The following MAGI2 variants were observed in gnomAD, a reference collection of about 807,000 sequenced individuals.
MAGI2 encodes membrane associated guanylate kinase, WW and PDZ domain containing 2, also known as membrane-associated guanylate kinase, WW and PDZ domain-containing protein 2.
MAGI2 carries 35 observed loss-of-function variants against 133.3 expected under a neutral mutation model. That is an observed-to-expected ratio of 0.26 (90% CI 0.20 to 0.35). The LOEUF (loss-of-function observed/expected upper bound fraction) is 0.35, where lower values mean the gene tolerates loss of function less well. MAGI2 is among the 10% of genes least tolerant of loss of function. MAGI2 has a pLI of 1.00. For synonymous variants in MAGI2, 729 were observed against 710.6 expected (o/e 1.03, Z -0.41); for missense variants, 1,636 against 1,863.4 (o/e 0.88, Z 2.25).
At chr7:79,170,220 C>G (rs1355174873) in intron 1 of MAGI2, among the ~76,000 whole-genome samples, 3 of 127,720 alleles carry the variant, frequency 2.3e-5, no homozygotes, top group Non-Finnish European at 3.1e-5. Flanking sequence ...ATGATCATAG[C>G]TCACTGTAAC....
At chr7:79,380,892 A>T (rs538233449) in intron 1 of MAGI2, among the ~76,000 whole-genome samples, 1 of 151,804 alleles carries the variant, frequency 6.6e-6, no homozygotes, top group Admixed American at 6.6e-5. Context: ...GGCAGTAAAC[A>T]TTGTTTTAAA....
At chr7:78,862,750 T>C (rs1215800824) in intron 2 of MAGI2, among the ~76,000 whole-genome samples, 1 of 152,226 alleles carries the variant, frequency 6.6e-6, no homozygotes, top group Non-Finnish European at 1.5e-5. Flanking sequence ...TATTTTGTTA[T>C]GGTCCATTAC....
chr7:78,465,526 A>ATTAT (rs1430540784), intron 6 of MAGI2, among the ~76,000 whole-genome samples: 7 of 152,184 alleles, frequency 4.6e-5, no homozygotes, highest in Admixed American at 4.6e-4. Flanking sequence ...GGCATGGATA[A>ATTAT]GGATGTAATT....
At chr7:79,442,377 T>A (rs1848548639) in intron 1 of MAGI2, among the ~76,000 whole-genome samples, 1 of 152,150 alleles carries the variant, frequency 6.6e-6, no homozygotes, top group Non-Finnish European at 1.5e-5. Context: ...AAACTAAGGC[T>A]GTATCCTCAC....
intron 2 of MAGI2, among the ~76,000 whole-genome samples, chr7:78,967,561 G>A (rs1050148890): frequency 6.6e-6 from 1 of 151,706 alleles, no homozygotes; most frequent in African/African-American, 2.4e-5. Context: ...TTTCTTCTAT[G>A]AGTTTTATAG....
At chr7:79,235,593 A>G (rs1016344099) in intron 1 of MAGI2, among the ~76,000 whole-genome samples, 1 of 152,184 alleles carries the variant, frequency 6.6e-6, no homozygotes, top group Non-Finnish European at 1.5e-5. Context: ...TGACTCGGAA[A>G]GGGAACTCCC....
chr7:78,173,062 A>G (rs1371169575), intron 14 of MAGI2, among the ~76,000 whole-genome samples: 1 of 152,258 alleles, frequency 6.6e-6, no homozygotes, highest in East Asian at 1.9e-4. Flanking sequence ...AATAAATCTA[A>G]GTAAACACAA....
intron 20 of MAGI2, among the ~76,000 whole-genome samples, chr7:78,118,005 A>G (rs915956255): frequency 6.6e-6 from 1 of 152,240 alleles, no homozygotes; most frequent in African/African-American, 2.4e-5. Context: ...GAAAGAATAG[A>G]CGAATAGATC....
intron 6 of MAGI2, among the ~76,000 whole-genome samples, chr7:78,456,557 T>G (rs371686189): frequency 2.0e-5 from 3 of 152,330 alleles, no homozygotes; most frequent in South Asian, 4.1e-4. Context: ...GACTGTATAA[T>G]CAATACTCCA....
chr7:78,259,063 C>T (rs1322233220), intron 9 of MAGI2, among the ~76,000 whole-genome samples: 3 of 152,118 alleles, frequency 2.0e-5, no homozygotes, highest in African/African-American at 7.2e-5. Flanking sequence ...TAATTTTTAC[C>T]AATCTAATGG....
chr7:79,326,502 A>G (rs1839704575), intron 1 of MAGI2, among the ~76,000 whole-genome samples: 1 of 152,140 alleles, frequency 6.6e-6, no homozygotes, highest in Non-Finnish European at 1.5e-5. Context: ...ATTAATTGCT[A>G]TGTGCTATCT....
intron 6 of MAGI2, among the ~76,000 whole-genome samples, chr7:78,404,239 G>A (rs575988816): frequency 2.0e-4 from 31 of 151,990 alleles, no homozygotes; most frequent in African/African-American, 7.2e-4. Context: ...AATGGCCATA[G>A]TGCCCAAGGT....
intron 16 of MAGI2, among the ~76,000 whole-genome samples, chr7:78,151,220 C>T (rs113949856): frequency 5.3e-5 from 8 of 152,092 alleles, no homozygotes; most frequent in African/African-American, 1.9e-4. Context: ...CCTATTCATT[C>T]TGACCTCAGT....
chr7:78,781,399 A>AG (rs1826389320), intron 2 of MAGI2, among the ~76,000 whole-genome samples: 3 of 147,654 alleles, frequency 2.0e-5, no homozygotes, highest in African/African-American at 7.5e-5. Context: ...AAAAAAAAAA[A>AG]GAATATAGCA....
At chr7:78,510,237 G>T (rs1399907182) in intron 4 of MAGI2, among the ~76,000 whole-genome samples, 1 of 152,150 alleles carries the variant, frequency 6.6e-6, no homozygotes, top group Non-Finnish European at 1.5e-5. Context: ...AGGCCACCTA[G>T]GTTTGAATCT....
At chr7:78,370,217 T>G (rs573563943) in intron 6 of MAGI2, among the ~76,000 whole-genome samples, 1 of 152,146 alleles carries the variant, frequency 6.6e-6, no homozygotes, top group East Asian at 1.9e-4. Flanking sequence ...CTTCAAATAA[T>G]TTTCTATGCA....
At chr7:79,126,230 AG>A (rs1014283891) in intron 1 of MAGI2, among the ~76,000 whole-genome samples, 3 of 152,224 alleles carry the variant, frequency 2.0e-5, no homozygotes, top group Admixed American at 1.3e-4. Context: ...CCACACTTGT[AG>A]TAGGCAGACA....
At chr7:78,977,219 G>A (rs1804336400) in intron 2 of MAGI2, among the ~76,000 whole-genome samples, 1 of 151,638 alleles carries the variant, frequency 6.6e-6, no homozygotes, top group South Asian at 2.1e-4. Flanking sequence ...TCAGGACAGT[G>A]TAATATTGGC....
At position 79,071,937 on chromosome 7, in the gene MAGI2, T is replaced by C. The variant is rs368868487; in HGVS notation, c.302-64731A>G. On this transcript the variant is annotated intron_variant, in intron 1 of 21. Coordinates refer to ENST00000354212, the MANE Select transcript of MAGI2 (RefSeq NM_012301.4). ...CCACTGAGCCAGGTACTGGAGGGAA[T>C]CTCTTGTTCTGTCAGTTGTGAAGAC... Among the ~76,000 whole-genome samples, 5 of 152,224 alleles carry C rather than the reference T, an allele frequency of 3.3e-5. No homozygotes were observed. In the East Asian group the frequency reaches 9.7e-4, roughly 30 times the overall value.
Sources: gnomAD v4.1 joint callset for allele counts (sites outside exome capture counted in the v4.1 genomes callset) on GRCh38, gnomAD v4.1.1 for gene constraint, MANE v1.5 for transcripts, NCBI Gene and HGNC (gene_info 2026-07-23, HGNC 2026-07-21) for gene names.